Variants in CADPS2 observed in about 807,000 individuals in gnomAD.
The protein encoded by CADPS2 is calcium-dependent secretion activator 2.
In CADPS2, 93 loss-of-function variants were observed where a neutral mutation model predicts 172.5. The ratio of observed to expected loss-of-function variants is 0.54; its 90% CI spans 0.46 to 0.64. The LOEUF is 0.64. Ranked by LOEUF, CADPS2 falls within the 30% of genes least tolerant of loss-of-function variation. The pLI is 0.00. For synonymous variants in CADPS2, 546 were observed against 555.2 expected, an observed-to-expected ratio of 0.98 and a Z score of 0.23; for missense variants, 1,420 against 1,565.9, an observed-to-expected ratio of 0.91 and a Z score of 1.57.
rs568129068 is a variant in CADPS2, at chr7:122,629,319, C to T, written c.796G>A (p.Ala266Thr). ...CTGATCTGGGCTGCTTGTTCATCTG[C>T]GTTATCCAGCTTAAAAATAAAACAG... is the stretch of plus-strand genomic sequence containing the variant. Reference protein sequence around the residue: ...LLYNACQLDNADEQAAQIRRE... With the variant: ...LLYNACQLDNTDEQAAQIRRE... Residue 266 changes from alanine to threonine, a missense_variant, in exon 4 of 30, where the codon GCA (alanine) becomes ACA (threonine). Ala to Thr is a moderately conservative substitution (Grantham distance 58, BLOSUM62 0). Transcript: ENST00000449022. The T allele has an allele frequency of 5.9e-5, 94 of 1,605,800 alleles. No homozygotes were observed. The highest frequency in any genetic ancestry group is 4.8e-4 in the South Asian group (43 of 89,562).
At chr7:122,441,459 T>C in intron 16 of CADPS2, 53 bp downstream of exon 16, 13 of 1,228,672 alleles carry the variant, frequency 1.1e-5, no homozygotes, top group Non-Finnish European at 1.5e-5. Flanking sequence ...ATAACTAAAA[T>C]ACACAGCAAC....
At chr7:122,448,845 T>C (rs1177126607) in intron 15 of CADPS2, among the ~76,000 whole-genome samples, 1 of 152,170 alleles carries the variant, frequency 6.6e-6, no homozygotes, top group African/African-American at 2.4e-5. Context: ...AAATATAGCT[T>C]CTACGACTTC....
intron 20 of CADPS2, among the ~76,000 whole-genome samples, chr7:122,406,809 C>T (rs1199327627): frequency 6.6e-6 from 1 of 152,118 alleles, no homozygotes; most frequent in Non-Finnish European, 1.5e-5. Flanking sequence ...GAATTAGTGA[C>T]TCCATGGTCA....
intron 6 of CADPS2, among the ~76,000 whole-genome samples, chr7:122,583,971 T>A (rs2069258765): frequency 6.6e-6 from 1 of 151,530 alleles, no homozygotes; most frequent in Non-Finnish European, 1.5e-5. Flanking sequence ...TAATCTGTAA[T>A]TATAGTAGAT....
intron 6 of CADPS2, among the ~76,000 whole-genome samples, chr7:122,605,751 C>G (rs1178659514): frequency 6.6e-6 from 1 of 152,020 alleles, no homozygotes; most frequent in African/African-American, 2.4e-5. Flanking sequence ...ATATATCACA[C>G]AAATGTGCAT....
At chr7:122,532,645 G>T (rs2061879025) in intron 8 of CADPS2, among the ~76,000 whole-genome samples, 1 of 149,844 alleles carries the variant, frequency 6.7e-6, no homozygotes, top group Non-Finnish European at 1.5e-5. Flanking sequence ...CTGCTGGCCT[G>T]GTATCCAGTA....
At chr7:122,823,310 A>G (rs1209445619) in intron 1 of CADPS2, among the ~76,000 whole-genome samples, 1 of 152,124 alleles carries the variant, frequency 6.6e-6, no homozygotes, top group African/African-American at 2.4e-5. Flanking sequence ...CTTGGTTTCC[A>G]CCTCTATGAA....
chr7:122,817,864 C>T (rs1042936502), intron 1 of CADPS2, among the ~76,000 whole-genome samples: 3 of 151,242 alleles, frequency 2.0e-5, no homozygotes, highest in East Asian at 3.9e-4. Flanking sequence ...TATTTCCATG[C>T]CCCGACCTCT....
intron 1 of CADPS2, among the ~76,000 whole-genome samples, chr7:122,767,305 A>G (rs1247524917): frequency 6.6e-6 from 1 of 152,070 alleles, no homozygotes; most frequent in Non-Finnish European, 1.5e-5. Flanking sequence ...TATTATTCCT[A>G]TATTAAAGGT....
intron 9 of CADPS2, among the ~76,000 whole-genome samples, chr7:122,505,457 A>G (rs1428634361): frequency 3.3e-5 from 5 of 152,208 alleles, no homozygotes; most frequent in Non-Finnish European, 7.4e-5. Flanking sequence ...TCAGGTTTAG[A>G]GGAATCACTC....
At position 122,360,813 on chromosome 7, in the gene CADPS2, G is replaced by A; in HGVS notation, c.3479C>T (p.Ala1160Val). The change falls in exon 27 of 30, where the codon GCA becomes GTA. Residue 1160 changes from alanine (A) to valine (V), a missense_variant. Coordinates refer to ENST00000449022, the MANE Select transcript of CADPS2 (RefSeq NM_017954.11). ...FSSILSFTVK[A>V]AAKYVDVPKP... ...TGGAACATCAACATATTTTGCAGCTGCTTTCACCTTAAGTGTGAAAGAAAG... is the reference window on the plus strand; with the variant it reads ...TGGAACATCAACATATTTTGCAGCTACTTTCACCTTAAGTGTGAAAGAAAG... The A allele has an allele frequency of 6.4e-7, 1 of 1,567,274 alleles. No homozygotes were observed. Among genetic ancestry groups the A allele is most frequent in the Non-Finnish European group, 8.7e-7 (1 of 1,155,494 alleles).
chr7:122,627,523 TTTGTGTGTTCA>T (rs1378718739), intron 4 of CADPS2, among the ~76,000 whole-genome samples: 1 of 152,220 alleles, frequency 6.6e-6, no homozygotes, highest in Non-Finnish European at 1.5e-5. Context: ...AGGAGAAGCC[TTTGTGTGTTCA>T]TCACTAACCC....
intron 1 of CADPS2, among the ~76,000 whole-genome samples, chr7:122,774,832 G>A (rs1374775500): frequency 1.3e-5 from 2 of 152,032 alleles, no homozygotes; most frequent in Admixed American, 6.6e-5. Context: ...ACTGTTTCAT[G>A]AGCACCTAAT....
At chr7:122,740,995 C>A (rs1030518436) in intron 1 of CADPS2, among the ~76,000 whole-genome samples, 1 of 152,104 alleles carries the variant, frequency 6.6e-6, no homozygotes, top group South Asian at 2.1e-4. Context: ...TGGATCAATA[C>A]TACAGATACA....
At chr7:122,737,517 G>T (rs986986219) in intron 1 of CADPS2, among the ~76,000 whole-genome samples, 3 of 152,102 alleles carry the variant, frequency 2.0e-5, no homozygotes, top group African/African-American at 2.4e-5. Flanking sequence ...GGACACTAAT[G>T]GTTAGACTTT....
intron 3 of CADPS2, among the ~76,000 whole-genome samples, chr7:122,653,356 G>T (rs1448313848): frequency 6.6e-6 from 1 of 152,162 alleles, no homozygotes; most frequent in African/African-American, 2.4e-5. Context: ...AAATCTCACA[G>T]ACATACACCT....
chr7:122,841,767 A>G (rs1810581109), intron 1 of CADPS2, among the ~76,000 whole-genome samples: 1 of 152,210 alleles, frequency 6.6e-6, no homozygotes. Context: ...AACCATTCTA[A>G]GAAGGAAGAA....
At chr7:122,650,585 G>C (rs2079051359) in intron 3 of CADPS2, among the ~76,000 whole-genome samples, 1 of 152,044 alleles carries the variant, frequency 6.6e-6, no homozygotes, top group Non-Finnish European at 1.5e-5. Flanking sequence ...CATTATCTAG[G>C]GAGATGCTGG....
At chr7:122,592,984 A>AAATG (rs1206227351) in intron 6 of CADPS2, among the ~76,000 whole-genome samples, 15 of 129,878 alleles carry the variant, frequency 1.2e-4, no homozygotes, top group African/African-American at 4.3e-4. Context: ...ACTTGAAGTA[A>AAATG]AATGAATAAA....
Sources: allele counts gnomAD v4.1 joint callset (sites outside exome capture counted in the v4.1 genomes callset), GRCh38; gene constraint gnomAD v4.1.1; transcripts MANE v1.5; gene names NCBI Gene and HGNC (gene_info 2026-07-23, HGNC 2026-07-21).